The following PCDH15 variants were observed in gnomAD, a reference collection of about 807,000 sequenced individuals.
PCDH15 encodes the protein protocadherin-15.
In PCDH15, 129 loss-of-function variants were observed where a neutral mutation model predicts 178.5. That is an observed-to-expected ratio of 0.72 (90% CI 0.63 to 0.84). PCDH15 has a LOEUF of 0.84. Ranked by LOEUF, PCDH15 falls within the 40% of genes least tolerant of loss-of-function variation. The pLI is 0.00. For missense variants in PCDH15, 2,230 were observed against 2,099.9 expected, an observed-to-expected ratio of 1.06 and a Z score of -1.21; for synonymous variants, 800 against 732.0, an observed-to-expected ratio of 1.09 and a Z score of -1.50.
rs527952034 is a variant in PCDH15 at position 55,265,567 on chromosome 10, A to G, written c.-156+54032T>C. Among the ~76,000 whole-genome samples the G allele has an allele frequency of 5.3e-5, 8 of 152,218 alleles. No homozygotes were observed. The South Asian group carries it at 1.7e-3, about 32-fold the overall frequency. On this transcript the variant is annotated intron_variant, in intron 1 of 5. Transcript: ENST00000458638. ...ATTATGCAACTGGAAGATAAGCAGA[A>G]CCAGTGAATGACTCTAAATGGGATC...
At chr10:53,968,569 AC>A (rs1306872789) in intron 21 of PCDH15, among the ~76,000 whole-genome samples, 1 of 152,138 alleles carries the variant, frequency 6.6e-6, no homozygotes, top group South Asian at 2.1e-4. Context: ...TGGGTCCCTG[AC>A]CCCCAAGTAG....
At chr10:55,491,685 A>G (rs1840422452) in intron 2 of PCDH15, among the ~76,000 whole-genome samples, 2 of 150,336 alleles carry the variant, frequency 1.3e-5, no homozygotes, top group Non-Finnish European at 3.0e-5. Context: ...GTTATTTTCA[A>G]TCTTACACAT....
chr10:55,247,411 T>A (rs1841704921), intron 1 of PCDH15, among the ~76,000 whole-genome samples: 1 of 152,130 alleles, frequency 6.6e-6, no homozygotes, highest in Non-Finnish European at 1.5e-5. Context: ...GACAGCCAAA[T>A]TTATATCTCA....
At chr10:55,140,655 T>C (rs1201012688) in intron 2 of PCDH15, among the ~76,000 whole-genome samples, 1 of 152,008 alleles carries the variant, frequency 6.6e-6, no homozygotes, top group African/African-American at 2.4e-5. Flanking sequence ...GCTCTCTTGA[T>C]CTATTTTCTG....
At chr10:54,516,416 G>C (rs1230048942) in intron 3 of PCDH15, among the ~76,000 whole-genome samples, 1 of 152,082 alleles carries the variant, frequency 6.6e-6, no homozygotes, top group Non-Finnish European at 1.5e-5. Flanking sequence ...GAAGAATGCA[G>C]AAGCCTCAGG....
intron 26 of PCDH15, among the ~76,000 whole-genome samples, chr10:53,882,631 G>A (rs1247725624): frequency 6.6e-6 from 1 of 152,120 alleles, no homozygotes; most frequent in Non-Finnish European, 1.5e-5. Context: ...CCAAAGTGCT[G>A]GGATTACAGG....
At chr10:54,497,090 G>A (rs2080192853) in intron 3 of PCDH15, among the ~76,000 whole-genome samples, 1 of 151,956 alleles carries the variant, frequency 6.6e-6, no homozygotes, top group African/African-American at 2.4e-5. Context: ...AGCACATCAA[G>A]CAATTGACCT....
chr10:55,551,857 A>C (rs540037940), intron 2 of PCDH15, among the ~76,000 whole-genome samples: 1 of 151,884 alleles, frequency 6.6e-6, no homozygotes, highest in South Asian at 2.1e-4. Flanking sequence ...TTTGAGCTAA[A>C]TTTGTCCTTT....
intron 37 of PCDH15, chr10:53,808,626 A>G: frequency 3.3e-6 from 5 of 1,532,092 alleles, no homozygotes; most frequent in Non-Finnish European, 4.4e-6. Context: ...ACTTTGGAGA[A>G]CACACAGAAG....
At chr10:55,251,442 C>T (rs1396494244) in intron 1 of PCDH15, among the ~76,000 whole-genome samples, 1 of 152,076 alleles carries the variant, frequency 6.6e-6, no homozygotes, top group Non-Finnish European at 1.5e-5. Context: ...TTCAAGAATG[C>T]TATAGGAAAT....
At chr10:54,408,722 A>G (rs1421588814) in intron 3 of PCDH15, among the ~76,000 whole-genome samples, 1 of 152,166 alleles carries the variant, frequency 6.6e-6, no homozygotes, top group African/African-American at 2.4e-5. Context: ...TGACAAGATT[A>G]TTTTTTATAT....
intron 37 of PCDH15, chr10:53,809,198 C>T (rs1164930896): frequency 1.2e-6 from 2 of 1,613,816 alleles, no homozygotes; most frequent in African/African-American, 2.7e-5. Context: ...GTCTCAGACT[C>T]ACTGAACTCA....
intron 3 of PCDH15, among the ~76,000 whole-genome samples, chr10:54,834,050 A>T: frequency 6.6e-6 from 1 of 152,216 alleles, no homozygotes; most frequent in Non-Finnish European, 1.5e-5. Flanking sequence ...ACAAGTTACC[A>T]CAACTGCTTA....
intron 3 of PCDH15, among the ~76,000 whole-genome samples, chr10:54,417,670 G>A (rs921920834): frequency 3.3e-5 from 5 of 152,022 alleles, no homozygotes; most frequent in African/African-American, 9.7e-5. Flanking sequence ...TTTGTCTTTT[G>A]AAATAATATT....
At chr10:55,005,778 A>AT (rs1839913693) in intron 2 of PCDH15, among the ~76,000 whole-genome samples, 1 of 152,136 alleles carries the variant, frequency 6.6e-6, no homozygotes, top group Non-Finnish European at 1.5e-5. Flanking sequence ...AAAAATAAAG[A>AT]TTTAATAGAT....
chr10:55,361,421 A>C (rs1443530961), intron 2 of PCDH15, among the ~76,000 whole-genome samples: 1 of 152,038 alleles, frequency 6.6e-6, no homozygotes, highest in Non-Finnish European at 1.5e-5. Context: ...AGTCTAACGA[A>C]CTTGTAATCT....
intron 2 of PCDH15, among the ~76,000 whole-genome samples, chr10:54,533,942 C>CTTTGGT (rs144292406): frequency 0.011 from 1,685 of 152,144 alleles, 30 homozygotes; most frequent in African/African-American, 0.038. Flanking sequence ...CAAATCCTAA[C>CTTTGGT]TTTGGTTTTT....
intron 3 of PCDH15, among the ~76,000 whole-genome samples, chr10:54,864,967 T>G (rs571296848): frequency 3.9e-5 from 6 of 152,154 alleles, no homozygotes; most frequent in African/African-American, 1.4e-4. Flanking sequence ...TACCAGAACA[T>G]AGAGATCATA....
At chr10:54,899,372 C>T (rs1160158468) in intron 2 of PCDH15, among the ~76,000 whole-genome samples, 1 of 151,890 alleles carries the variant, frequency 6.6e-6, no homozygotes, top group South Asian at 2.1e-4. Flanking sequence ...TCAGCTGTTT[C>T]TAAGAGTGAG....
Sources: gnomAD v4.1 joint callset for allele counts (sites outside exome capture counted in the v4.1 genomes callset) on GRCh38, gnomAD v4.1.1 for gene constraint, MANE v1.5 for transcripts, NCBI Gene and HGNC (gene_info 2026-07-23, HGNC 2026-07-21) for gene names.